Variants in AVL9 observed in about 807,000 individuals in gnomAD.
AVL9 encodes late secretory pathway protein AVL9 homolog.
Under a neutral mutation model 79.2 loss-of-function variants are expected in AVL9, and 49 were observed. That is an observed-to-expected ratio of 0.62 (90% CI 0.49 to 0.79). AVL9 has a LOEUF of 0.79. Among genes scored for constraint, AVL9 ranks in the 30% least tolerant of loss-of-function variants. The pLI is 0.00. For synonymous variants in AVL9, 299 were observed against 280.6 expected (o/e 1.07, Z -0.65); for missense variants, 682 against 776.8 (o/e 0.88, Z 1.45).
Position 32,583,979 on chromosome 7 carries a change from T to TTAC in AVL9, c.*75_*77dup. On this transcript the variant is annotated 3_prime_UTR_variant, in exon 16 of 16. Coordinates refer to ENST00000318709, the MANE Select transcript of AVL9 (RefSeq NM_015060.3). ...CTGTCTGTCTGCTGCTCCCAGGCTG[T>TTAC]TACTAGCCACAGATCCACAGCAGGG... The TTAC allele has an allele frequency of 9.3e-7, 1 of 1,074,254 alleles. No individual in the cohort carries two copies. The allele number at this position is 1,074,254 out of a possible 1,614,324, so 66.5% of individuals were successfully genotyped here. A position where few individuals can be genotyped will look rare whatever the true frequency, so the allele number is the denominator to read the frequency against.
intron 10 of AVL9, chr7:32,562,521 G>A (rs555923664): frequency 5.5e-6 from 3 of 546,458 alleles, no homozygotes; most frequent in South Asian, 7.8e-5. Flanking sequence ...TAACTTAAAT[G>A]CAATATAGTA....
At chr7:32,535,094 G>A (rs1341543627) in intron 1 of AVL9, 1 of 152,174 alleles carries the variant, frequency 6.6e-6, no homozygotes, top group East Asian at 1.9e-4. Flanking sequence ...AGCTTCTCCT[G>A]TGTCTGTTTC....
chr7:32,557,586 G>A (rs1343164517), intron 8 of AVL9, among the ~76,000 whole-genome samples: 5 of 152,156 alleles, frequency 3.3e-5, no homozygotes, highest in African/African-American at 1.2e-4. Context: ...TCCTACACAG[G>A]TAGTGGTGTG....
chr7:32,546,354 C>T (rs1789502914), intron 3 of AVL9, among the ~76,000 whole-genome samples: 1 of 152,096 alleles, frequency 6.6e-6, no homozygotes, highest in African/African-American at 2.4e-5. Context: ...CCAGGATACC[C>T]AAAGTAGGTA....
At chr7:32,576,851 G>C (rs1283740853) in intron 13 of AVL9, among the ~76,000 whole-genome samples, 1 of 152,088 alleles carries the variant, frequency 6.6e-6, no homozygotes, top group East Asian at 1.9e-4. Context: ...TTCCACATCA[G>C]ACTCTAAAAT....
intron 1 of AVL9, among the ~76,000 whole-genome samples, chr7:32,523,265 A>AG (rs1788247692): frequency 1.4e-5 from 2 of 146,168 alleles, no homozygotes; most frequent in Admixed American, 6.8e-5. Flanking sequence ...TGGAAGATTA[A>AG]GGGGAAAAAA....
At chr7:32,542,385 C>CAAAAAAAAA (rs567774011) in intron 1 of AVL9, among the ~76,000 whole-genome samples, 1 of 90,616 alleles carries the variant, frequency 1.1e-5, no homozygotes, top group Non-Finnish European at 2.4e-5. Flanking sequence ...AGTAAAAATA[C>CAAAAAAAAA]AAAAAAAAAA....
At chr7:32,510,226 T>G (rs1169449233) in intron 1 of AVL9, among the ~76,000 whole-genome samples, 1 of 150,976 alleles carries the variant, frequency 6.6e-6, no homozygotes, top group Admixed American at 6.6e-5. Flanking sequence ...CAGGTCTGGC[T>G]GTGGGAGTCC....
chr7:32,545,466 C>T (rs760413207), intron 3 of AVL9, among the ~76,000 whole-genome samples: 3 of 143,820 alleles, frequency 2.1e-5, no homozygotes, highest in Non-Finnish European at 4.5e-5. Flanking sequence ...TGACCCTGAG[C>T]TCAAGCCCTC....
intron 1 of AVL9, among the ~76,000 whole-genome samples, chr7:32,541,406 CT>C (rs1445596322): frequency 2.6e-5 from 4 of 151,990 alleles, no homozygotes; most frequent in African/African-American, 9.7e-5. Context: ...ATTACCAGGA[CT>C]CCTTATGATA....
Position 32,584,719 on chromosome 7 carries a change from T to C in AVL9, c.*812T>C. ...TTCAACCGCAGTCATGTTGCAGTCTTACAAGCACTTTTTTTTTATTCCAGA... is the reference window on the plus strand; with the variant it reads ...TTCAACCGCAGTCATGTTGCAGTCTCACAAGCACTTTTTTTTTATTCCAGA... On this transcript the variant is annotated 3_prime_UTR_variant, in exon 16 of 16. Transcript: ENST00000318709. The C allele has an allele frequency of 6.7e-6, 1 of 148,972 alleles. No homozygotes were observed. Among genetic ancestry groups the C allele is most frequent in the East Asian group, 2.0e-4 (1 of 4,998 alleles). 9.2% of individuals were successfully genotyped at this position (148,972 alleles called of 1,614,324 possible). A position where few individuals can be genotyped will look rare whatever the true frequency, so the allele number is the denominator to read the frequency against.
intron 1 of AVL9, chr7:32,533,527 A>C (rs911202950): frequency 1.3e-5 from 2 of 152,182 alleles, no homozygotes; most frequent in African/African-American, 2.4e-5. Context: ...AATAAATGCC[A>C]ATTGCTTTGT....
chr7:32,535,426 A>G (rs1788856544), intron 1 of AVL9: 1 of 152,242 alleles, frequency 6.6e-6, no homozygotes, highest in Non-Finnish European at 1.5e-5. Flanking sequence ...CTGGCATGAT[A>G]AGGGAGTCTC....
chr7:32,558,860 TA>T, intron 9 of AVL9, 68 bp from the exon 10 acceptor site: 1 of 1,365,016 alleles, frequency 7.3e-7, no homozygotes. Flanking sequence ...GGGAGTCTAC[TA>T]ATATATAGCT....
intron 10 of AVL9, chr7:32,562,647 T>C: frequency 4.1e-6 from 4 of 983,940 alleles, no homozygotes; most frequent in Non-Finnish European, 4.8e-6. Flanking sequence ...GGACTGGACA[T>C]AGCATCTCAC....
At chr7:32,516,823 G>T (rs1454277889) in intron 1 of AVL9, among the ~76,000 whole-genome samples, 1 of 149,786 alleles carries the variant, frequency 6.7e-6, no homozygotes, top group African/African-American at 2.4e-5. Flanking sequence ...CAAGGAGAAT[G>T]ACTCCCTTTC....
intron 3 of AVL9, among the ~76,000 whole-genome samples, chr7:32,546,565 G>A (rs924173934): frequency 1.3e-5 from 2 of 152,192 alleles, no homozygotes; most frequent in Non-Finnish European, 2.9e-5. Context: ...GCTCACACCT[G>A]TAATCCTAGC....
chr7:32,554,417 G>T, intron 7 of AVL9, 141 bp from the exon 8 acceptor site: 2 of 441,954 alleles, frequency 4.5e-6, no homozygotes, highest in Non-Finnish European at 8.3e-6. Context: ...TAACTTCTCA[G>T]TATAAGTTCA....
chr7:32,497,491 A>G (rs1786900646), intron 1 of AVL9, among the ~76,000 whole-genome samples: 1 of 152,208 alleles, frequency 6.6e-6, no homozygotes, highest in Admixed American at 6.5e-5. Context: ...TTAATCAGCT[A>G]CCTAATTCTC....
Sources: gnomAD v4.1 joint callset for allele counts (sites outside exome capture counted in the v4.1 genomes callset) on GRCh38, gnomAD v4.1.1 for gene constraint, MANE v1.5 for transcripts, NCBI Gene and HGNC (gene_info 2026-07-23, HGNC 2026-07-21) for gene names.